PIP5K1B: variants seen among roughly 807,000 people sequenced by gnomAD.
PIP5K1B encodes phosphatidylinositol-4-phosphate 5-kinase type 1 beta.
PIP5K1B carries 42 observed loss-of-function variants against 67.0 expected under a neutral mutation model. The ratio of observed to expected loss-of-function variants is 0.63; its 90% CI spans 0.49 to 0.81. PIP5K1B has a LOEUF of 0.81. PIP5K1B is among the 30% of genes least tolerant of loss of function. The pLI, the probability that PIP5K1B is intolerant of heterozygous loss-of-function variation, is 0.00. For missense variants in PIP5K1B, 459 were observed against 646.3 expected (o/e 0.71, Z 3.14); for synonymous variants, 214 against 231.4 (o/e 0.92, Z 0.68).
At chr9:68,718,378 C>T (rs182211045) in intron 1 of PIP5K1B, among the ~76,000 whole-genome samples, 1 of 152,052 alleles carries the variant, frequency 6.6e-6, no homozygotes, top group Non-Finnish European at 1.5e-5. Flanking sequence ...TTAGTAAGAA[C>T]CTAAATACTG....
intron 2 of PIP5K1B, among the ~76,000 whole-genome samples, chr9:68,795,042 C>T (rs1832210177): frequency 6.6e-6 from 1 of 152,160 alleles, no homozygotes; most frequent in African/African-American, 2.4e-5. Flanking sequence ...CAGTTAAGTG[C>T]CGTGCACTCC....
At chr9:68,793,278 G>A (rs1832101289) in intron 2 of PIP5K1B, among the ~76,000 whole-genome samples, 2 of 152,066 alleles carry the variant, frequency 1.3e-5, no homozygotes, top group Non-Finnish European at 2.9e-5. Flanking sequence ...TGAGTGAGAT[G>A]AGAGCCATCA....
chr9:68,837,616 T>TG (rs143172799), intron 4 of PIP5K1B, among the ~76,000 whole-genome samples: 1 of 71,350 alleles, frequency 1.4e-5, no homozygotes, highest in Non-Finnish European at 3.0e-5. Flanking sequence ...TGTTTTTTTT[T>TG]TTTTTTTTTG....
intron 1 of PIP5K1B, among the ~76,000 whole-genome samples, chr9:68,715,013 C>T (rs1417490469): frequency 2.0e-5 from 3 of 152,162 alleles, no homozygotes; most frequent in Admixed American, 2.0e-4. Flanking sequence ...CACCTGTGGT[C>T]TAGGAATAAA....
At chr9:68,990,908 G>A (rs537404603) in intron 14 of PIP5K1B, among the ~76,000 whole-genome samples, 11 of 151,970 alleles carry the variant, frequency 7.2e-5, no homozygotes, top group South Asian at 2.1e-4. Context: ...GTGATCCGCC[G>A]GCCTCAGCCT....
intron 5 of PIP5K1B, among the ~76,000 whole-genome samples, chr9:68,876,424 G>A (rs1320826209): frequency 6.6e-6 from 1 of 152,126 alleles, no homozygotes; most frequent in East Asian, 1.9e-4. Context: ...AGGCACAAGG[G>A]GATAAATGAA....
chr9:69,003,728 A>T (rs1830934768), intron 15 of PIP5K1B, among the ~76,000 whole-genome samples: 1 of 152,162 alleles, frequency 6.6e-6, no homozygotes, highest in South Asian at 2.1e-4. Context: ...GGAAGGAATG[A>T]GTCTAGGAAA....
chr9:68,915,330 G>C (rs1459959856), intron 8 of PIP5K1B, among the ~76,000 whole-genome samples: 1 of 151,902 alleles, frequency 6.6e-6, no homozygotes, highest in Admixed American at 6.6e-5. Context: ...GCTGTCTCGG[G>C]GGGTACTGTT....
chr9:68,728,918 G>C (rs1439823678), intron 1 of PIP5K1B: 1 of 152,114 alleles, frequency 6.6e-6, no homozygotes, highest in Non-Finnish European at 1.5e-5. Context: ...TGAGCTGCTG[G>C]GGAAGTCAAG....
In PIP5K1B at chr9:68,828,013, C is replaced by A. The variant is rs149229307; in HGVS notation, c.69+5330C>A. Among the ~76,000 whole-genome samples the A allele has an allele frequency of 3.5e-3, 529 of 152,298 alleles. 1 individual carries two copies. Among genetic ancestry groups the A allele is most frequent in the African/African-American group, 0.012 (486 of 41,562 alleles). On this transcript the variant is annotated intron_variant, in intron 4 of 15. Transcript: ENST00000265382. ...CAGTGACATATGCCAGGTTACCTTG[C>A]AGTTCTTTGTTAGGAAGATGATTAG...
chr9:68,820,132 A>G (rs771039252), intron 3 of PIP5K1B, among the ~76,000 whole-genome samples: 18 of 152,150 alleles, frequency 1.2e-4, no homozygotes, highest in Admixed American at 2.6e-4. Context: ...GCAAAGTCTT[A>G]AAAGTGAAAT....
chr9:68,866,680 C>T (rs1336162419), intron 5 of PIP5K1B, among the ~76,000 whole-genome samples: 2 of 151,968 alleles, frequency 1.3e-5, no homozygotes, highest in African/African-American at 4.8e-5. Flanking sequence ...GGTACTAGAC[C>T]AAAAAATGAC....
chr9:68,940,636 T>C lies in PIP5K1B; in HGVS notation c.1358-10T>C. 6.2e-7 allele frequency: 1 copy of C among 1,612,988 alleles called. No individual in the cohort carries two copies. Among genetic ancestry groups the C allele is most frequent in the East Asian group, 2.2e-5 (1 of 44,870 alleles). On this transcript the variant is annotated splice_polypyrimidine_tract_variant and intron_variant, in intron 13 of 15. Transcript: ENST00000265382. ...AGATTCATGAATGTGTGTGTTGCTT[T>C]CGTTCCTAGCCCTGGGATCCCGACA...
intron 8 of PIP5K1B, among the ~76,000 whole-genome samples, chr9:68,901,960 C>T (rs972989141): frequency 6.6e-6 from 1 of 152,120 alleles, no homozygotes; most frequent in African/African-American, 2.4e-5. Context: ...ATTCACATGC[C>T]GTTGGAAGCA....
chr9:68,796,249 T>C (rs971416251), intron 2 of PIP5K1B, among the ~76,000 whole-genome samples: 2 of 152,226 alleles, frequency 1.3e-5, no homozygotes, highest in African/African-American at 4.8e-5. Context: ...GATAGTTGCA[T>C]GTTATTTTTT....
At chr9:68,973,590 A>G (rs1391692893) in intron 14 of PIP5K1B, among the ~76,000 whole-genome samples, 1 of 152,248 alleles carries the variant, frequency 6.6e-6, no homozygotes, top group Non-Finnish European at 1.5e-5. Context: ...TCAGGTCTAT[A>G]AACAGTGTAA....
In PIP5K1B at chr9:68,849,229, A is replaced by G. The variant is rs145474517; in HGVS notation, c.70-14608A>G. On this transcript the variant is annotated intron_variant, in intron 4 of 15. Coordinates refer to ENST00000265382, the MANE Select transcript of PIP5K1B (RefSeq NM_003558.4). Reference sequence around the variant, plus strand: ...AGAACAAGAACCCTAGTGTCTATCAATAAGAGAGTAGTTAAAACAATTGTG... The same window carrying G: ...AGAACAAGAACCCTAGTGTCTATCAGTAAGAGAGTAGTTAAAACAATTGTG... Among the ~76,000 whole-genome samples the G allele has an allele frequency of 4.1e-3, 618 of 152,354 alleles. 1 individual carries two copies. The highest frequency in any genetic ancestry group is 6.6e-3 in the Non-Finnish European group (447 of 68,032).
chr9:68,985,226 G>A (rs1830049417), intron 14 of PIP5K1B, among the ~76,000 whole-genome samples: 1 of 151,686 alleles, frequency 6.6e-6, no homozygotes, highest in Admixed American at 6.6e-5. Flanking sequence ...CCTCAATTTG[G>A]CAATAATTCA....
intron 15 of PIP5K1B, among the ~76,000 whole-genome samples, chr9:68,994,926 A>C (rs960095743): frequency 6.6e-6 from 1 of 152,082 alleles, no homozygotes; most frequent in Admixed American, 6.6e-5. Flanking sequence ...GCTTGAGGCC[A>C]GGAGTTCGAG....
Sources: gnomAD v4.1 joint callset for allele counts (sites outside exome capture counted in the v4.1 genomes callset) on GRCh38, gnomAD v4.1.1 for gene constraint, MANE v1.5 for transcripts, NCBI Gene and HGNC (gene_info 2026-07-23, HGNC 2026-07-21) for gene names.